The following DMD variants were observed in gnomAD, a reference collection of about 807,000 sequenced individuals.
DMD encodes the protein dystrophin.
DMD carries 63 observed loss-of-function variants against 330.1 expected under a neutral mutation model. The observed-to-expected ratio is 0.19, with a 90% CI of 0.16 to 0.24. The LOEUF (loss-of-function observed/expected upper bound fraction) is 0.24, where lower values mean the gene tolerates loss of function less well. DMD is among the 10% of genes least tolerant of loss of function. DMD has a pLI of 1.00. For missense variants in DMD, 3,344 were observed against 2,684.1 expected, an observed-to-expected ratio of 1.25 and a Z score of -5.43; for synonymous variants, 1,223 against 959.8, an observed-to-expected ratio of 1.27 and a Z score of -5.07.
In DMD at chrX:32,468,717, A is replaced by C. The variant is rs1401329389; in HGVS notation, c.2950-7T>G. 8 of 1,193,155 alleles carry C rather than the reference A, an allele frequency of 6.7e-6. No homozygotes were observed. Among genetic ancestry groups the C allele is most frequent in the Non-Finnish European group, 9.1e-6 (8 of 880,995 alleles). ...GCAGAGAACTTTGTAAAGCCTAAAA[A>C]ACAATTTTTTAAATACATTTACCCT... is the stretch of plus-strand genomic sequence containing the variant. On this transcript the variant is annotated splice_polypyrimidine_tract_variant and splice_region_variant and intron_variant, in intron 22 of 78. Coordinates refer to ENST00000357033, the MANE Select transcript of DMD (RefSeq NM_004006.3).
intron 7 of DMD, among the ~76,000 whole-genome samples, chrX:32,718,931 T>C (rs1016097601): frequency 8.9e-6 from 1 of 112,274 alleles, no homozygotes; most frequent in Middle Eastern, 4.7e-3. Context: ...TAACCTTCCA[T>C]ATTTAAAATG....
intron 50 of DMD, among the ~76,000 whole-genome samples, chrX:31,781,854 T>C (rs2091028501): frequency 9.0e-6 from 1 of 111,722 alleles, no homozygotes; most frequent in Non-Finnish European, 1.9e-5. Context: ...AAATGTCTCC[T>C]GAGGAAAGAA....
chrX:32,485,281 T>G (rs1245747998), intron 20 of DMD, among the ~76,000 whole-genome samples, 182 bp from the exon 21 acceptor site: 1 of 111,802 alleles, frequency 8.9e-6, no homozygotes, highest in Admixed American at 9.6e-5. Flanking sequence ...TAAGGATACC[T>G]TGGCTCTTTG....
At chrX:33,240,749 C>G (rs2052573803) in intron 1 of DMD, among the ~76,000 whole-genome samples, 1 of 111,918 alleles carries the variant, frequency 8.9e-6, no homozygotes, top group Non-Finnish European at 1.9e-5. Flanking sequence ...TTCTTGATGT[C>G]ATTCTAACAG....
chrX:33,122,563 T>C (rs2095431409), intron 1 of DMD, among the ~76,000 whole-genome samples: 1 of 112,282 alleles, frequency 8.9e-6, no homozygotes, highest in Admixed American at 9.5e-5. Context: ...CACTCCTTAG[T>C]CACTTTTCAT....
chrX:31,959,864 G>A lies in DMD; in HGVS notation c.6614+8475C>T, dbSNP rs761321827. 1.7e-3 allele frequency among the ~76,000 whole-genome samples: 172 copies of A among 102,569 alleles called. 1 individual carries two copies. The highest frequency in any genetic ancestry group is 2.4e-3 in the Non-Finnish European group (120 of 51,047). 89.1% of individuals were successfully genotyped at this position (102,569 alleles called of 115,157 possible). A position where few individuals can be genotyped will look rare whatever the true frequency, so the allele number is the denominator to read the frequency against. ...ACTGCAACCTCCGCCTCCCGGGTTC[G>A]AGCAACTCTCCCACCTCAGACTCCC... On this transcript the variant is annotated intron_variant, in intron 45 of 78. Coordinates refer to ENST00000357033, the MANE Select transcript of DMD (RefSeq NM_004006.3).
intron 7 of DMD, among the ~76,000 whole-genome samples, chrX:32,791,463 C>A (rs2075816773): frequency 8.9e-6 from 1 of 111,899 alleles, no homozygotes; most frequent in South Asian, 3.7e-4. Flanking sequence ...CTTGGTGTCC[C>A]AGTCACCGGC....
At chrX:31,700,143 G>A (rs914730633) in intron 52 of DMD, among the ~76,000 whole-genome samples, 3 of 107,461 alleles carry the variant, frequency 2.8e-5, no homozygotes, top group Non-Finnish European at 3.8e-5. Context: ...CCGAGATTGC[G>A]CCACTGCACT....
At position 33,064,844 on chromosome X, in the gene DMD, G is replaced by A. The variant is rs775288596; in HGVS notation, c.32-44644C>T. On this transcript the variant is annotated intron_variant, in intron 1 of 78. Transcript: ENST00000357033. ...GCGGAGGTTGCAGTGAGCCAAGATC[G>A]CGCCACTGCACTTCAGCCTCGGGGT... 2.8e-3 allele frequency among the ~76,000 whole-genome samples: 314 copies of A among 110,998 alleles called. 2 individuals are homozygous for A. The highest frequency in any genetic ancestry group is 9.6e-3 in the African/African-American group (294 of 30,487).
intron 55 of DMD, among the ~76,000 whole-genome samples, chrX:31,625,892 A>G (rs994058042): frequency 3.6e-5 from 4 of 112,076 alleles, no homozygotes; most frequent in African/African-American, 9.7e-5. Context: ...TTTCAAAGTA[A>G]TCTGCTAAAA....
intron 47 of DMD, among the ~76,000 whole-genome samples, chrX:31,902,653 T>C (rs956666877): frequency 7.1e-5 from 8 of 111,915 alleles, no homozygotes; most frequent in Non-Finnish European, 1.3e-4. Context: ...TGCTGCAAAA[T>C]GTAACTGACG....
In DMD at chrX:33,112,317, C is replaced by G. The variant is rs752346248; in HGVS notation, c.32-92117G>C. ...TATATACATAAGGTTTGGTATTATC[C>G]ACAGTTTCAGGCATCCACCAGGGGT... On this transcript the variant is annotated intron_variant, in intron 1 of 78. Transcript: ENST00000357033. 3.8e-3 allele frequency among the ~76,000 whole-genome samples: 425 copies of G among 110,785 alleles called. 2 individuals are homozygous for G. Among genetic ancestry groups the G allele is most frequent in the African/African-American group, 0.013 (391 of 30,561 alleles).
chrX:31,188,871 A>G (rs1311485141), intron 67 of DMD, among the ~76,000 whole-genome samples: 2 of 112,128 alleles, frequency 1.8e-5, no homozygotes, highest in Non-Finnish European at 3.8e-5. Flanking sequence ...ACCTTTATAC[A>G]AATATAACAA....
chrX:31,247,287 G>T (rs2048921212), intron 63 of DMD, among the ~76,000 whole-genome samples: 1 of 111,315 alleles, frequency 9.0e-6, no homozygotes, highest in African/African-American at 3.3e-5. Context: ...TTCCTCTGAT[G>T]GATCTGGGCA....
intron 62 of DMD, chrX:31,267,007 G>A (rs1175380365): frequency 4.9e-5 from 35 of 715,114 alleles, no homozygotes; most frequent in Non-Finnish European, 6.5e-5. Context: ...CAGACGGGGC[G>A]GGGCCGTGTC....
chrX:32,787,267 AGAG>A (rs2075460785), intron 7 of DMD, among the ~76,000 whole-genome samples: 2 of 104,709 alleles, frequency 1.9e-5, no homozygotes, highest in Admixed American at 2.1e-4. Flanking sequence ...AGAGAGAGAG[AGAG>A]AGAAAGAGAG....
At chrX:31,382,856 G>A (rs1031962879) in intron 60 of DMD, among the ~76,000 whole-genome samples, 2 of 110,256 alleles carry the variant, frequency 1.8e-5, no homozygotes, top group Admixed American at 9.7e-5. Flanking sequence ...GAAAATTTTC[G>A]CCGCCCCAAC....
At chrX:32,646,358 G>T (rs1180481375) in intron 9 of DMD, among the ~76,000 whole-genome samples, 1 of 111,454 alleles carries the variant, frequency 9.0e-6, no homozygotes, top group Non-Finnish European at 1.9e-5. Flanking sequence ...CTGAGAACAT[G>T]CTCAAGAGGG....
chrX:31,672,747 T>A (rs894732554), intron 53 of DMD, among the ~76,000 whole-genome samples: 1 of 111,991 alleles, frequency 8.9e-6, no homozygotes, highest in African/African-American at 3.2e-5. Flanking sequence ...ACAATTTCTA[T>A]CTCTTTATTG....
Sources: allele counts gnomAD v4.1 joint callset (sites outside exome capture counted in the v4.1 genomes callset), GRCh38; gene constraint gnomAD v4.1.1; transcripts MANE v1.5; gene names NCBI Gene and HGNC (gene_info 2026-07-23, HGNC 2026-07-21).